Variants in PCCA observed in about 807,000 individuals in gnomAD.
PCCA encodes propionyl-CoA carboxylase subunit alpha.
Under a neutral mutation model 101.3 loss-of-function variants are expected in PCCA, and 74 were observed. That is an observed-to-expected ratio of 0.73 (90% CI 0.61 to 0.89). PCCA has a LOEUF of 0.89. Ranked by LOEUF, PCCA falls within the 40% of genes least tolerant of loss-of-function variation. The probability of loss-of-function intolerance (pLI) is 0.00; values close to 1 mark genes in which losing one functional copy is unlikely to be tolerated. For synonymous variants in PCCA, 294 were observed against 313.6 expected (o/e 0.94, Z 0.66); for missense variants, 891 against 907.0 (o/e 0.98, Z 0.23).
At chr13:100,206,430 C>T (rs531165149) in intron 6 of PCCA, among the ~76,000 whole-genome samples, 40 of 152,218 alleles carry the variant, frequency 2.6e-4, no homozygotes, top group African/African-American at 7.9e-4. Context: ...CCATGCCTAG[C>T]TGATTTTTGT....
At chr13:100,090,618 G>A (rs1035081855) in intron 1 of PCCA, among the ~76,000 whole-genome samples, 4 of 152,154 alleles carry the variant, frequency 2.6e-5, no homozygotes, top group African/African-American at 9.7e-5. Flanking sequence ...TTTTACTCTA[G>A]TAGGGAGACT....
chr13:100,483,491 T>C (rs1191224223), intron 21 of PCCA, among the ~76,000 whole-genome samples: 1 of 152,230 alleles, frequency 6.6e-6, no homozygotes, highest in Non-Finnish European at 1.5e-5. Context: ...GGAGTTCTGC[T>C]GCTCAGTACT....
chr13:100,297,659 A>G (rs1377126105), intron 12 of PCCA, among the ~76,000 whole-genome samples: 4 of 152,196 alleles, frequency 2.6e-5, no homozygotes, highest in East Asian at 1.9e-4. Flanking sequence ...AAAAATAGCA[A>G]GTAGATCTAT....
intron 12 of PCCA, among the ~76,000 whole-genome samples, chr13:100,295,704 G>T (rs2065472971): frequency 1.3e-5 from 2 of 152,136 alleles, no homozygotes; most frequent in Non-Finnish European, 2.9e-5. Context: ...ACTTTTAGGG[G>T]CAGTTTCTGC....
intron 18 of PCCA, among the ~76,000 whole-genome samples, chr13:100,366,416 C>G (rs1274123666): frequency 6.6e-6 from 1 of 152,112 alleles, no homozygotes; most frequent in Non-Finnish European, 1.5e-5. Context: ...ACTTATCCCT[C>G]ATCTCTTTGT....
intron 20 of PCCA, among the ~76,000 whole-genome samples, chr13:100,435,384 T>G (rs1471528177): frequency 6.6e-6 from 1 of 152,202 alleles, no homozygotes; most frequent in African/African-American, 2.4e-5. Context: ...AGAATCACAT[T>G]TCAGCAAGAG....
chr13:100,410,533 G>A lies in PCCA; in HGVS notation c.1747-15100G>A, dbSNP rs145288597. ...TGGGATTACAGGCTTGAGCCACCACGCCCAGCCTGCCAGGAAAATTGTAAA... is the reference window on the plus strand; with the variant it reads ...TGGGATTACAGGCTTGAGCCACCACACCCAGCCTGCCAGGAAAATTGTAAA... On this transcript the variant is annotated intron_variant, in intron 19 of 23. Transcript: ENST00000376285. Among the ~76,000 whole-genome samples the A allele has an allele frequency of 5.3e-3, 807 of 152,280 alleles. 4 individuals carry two copies. Among genetic ancestry groups the A allele is most frequent in the African/African-American group, 0.018 (747 of 41,556 alleles).
intron 7 of PCCA, among the ~76,000 whole-genome samples, chr13:100,217,549 G>A (rs1035501772): frequency 6.6e-6 from 1 of 152,060 alleles, no homozygotes; most frequent in Non-Finnish European, 1.5e-5. Flanking sequence ...TAGTATCCAT[G>A]TTATAGCATG....
At chr13:100,225,412 A>G (rs904663698) in intron 7 of PCCA, among the ~76,000 whole-genome samples, 1 of 152,238 alleles carries the variant, frequency 6.6e-6, no homozygotes, top group African/African-American at 2.4e-5. Flanking sequence ...CACAGAACAG[A>G]GTATGGCCGT....
chr13:100,435,665 C>T (rs889189572), intron 20 of PCCA, among the ~76,000 whole-genome samples: 3 of 152,108 alleles, frequency 2.0e-5, no homozygotes, highest in Non-Finnish European at 2.9e-5. Context: ...AGGTTCTTGG[C>T]GTTTTGAACA....
chr13:100,330,061 G>A (rs370782294), intron 16 of PCCA, among the ~76,000 whole-genome samples: 1 of 152,060 alleles, frequency 6.6e-6, no homozygotes, highest in Non-Finnish European at 1.5e-5. Flanking sequence ...CTGACCTCTC[G>A]CCAACCAACC....
rs117533663 is a variant in PCCA, at chr13:100,364,787, C to T, written c.1644-3685C>T. Among the ~76,000 whole-genome samples the T allele has an allele frequency of 1.7e-3, 252 of 152,268 alleles. 4 individuals carry two copies. The East Asian group carries it at 0.04, about 24-fold the overall frequency. ...TAGAAAAAGGCTGGGTACTGTGACT[C>T]ACACCTGTAATCCCATACTTTGGGA... On this transcript the variant is annotated intron_variant, in intron 18 of 23. Transcript: ENST00000376285.
chr13:100,127,259 G>A (rs1337341671), intron 4 of PCCA, among the ~76,000 whole-genome samples: 1 of 152,042 alleles, frequency 6.6e-6, no homozygotes, highest in Non-Finnish European at 1.5e-5. Context: ...TAATCTGTGG[G>A]AAGTGACTTG....
chr13:100,295,072 T>A (rs1283049614), intron 12 of PCCA, among the ~76,000 whole-genome samples: 3 of 152,206 alleles, frequency 2.0e-5, no homozygotes, highest in African/African-American at 7.2e-5. Context: ...ATGCTTTTCA[T>A]CCTTGAGTGC....
chr13:100,106,389 T>C (rs1276803930), intron 2 of PCCA, among the ~76,000 whole-genome samples: 2 of 152,112 alleles, frequency 1.3e-5, no homozygotes, highest in African/African-American at 4.8e-5. Context: ...AATAAATGTA[T>C]GTAACTGTCT....
intron 19 of PCCA, among the ~76,000 whole-genome samples, chr13:100,385,338 T>TA (rs2076438671): frequency 6.6e-6 from 1 of 152,118 alleles, no homozygotes; most frequent in African/African-American, 2.4e-5. Context: ...AGCCAACAGG[T>TA]AAGCCAAAAA....
rs2067227213 is a variant in PCCA, at chr13:100,315,110, G to GA, written c.1429+5208dup. 2.0e-5 allele frequency among the ~76,000 whole-genome samples: 3 copies of GA among 152,034 alleles called. 1 individual carries two copies. In the South Asian group the frequency reaches 6.2e-4, roughly 32 times the overall value. ...AAAATTATGTATCTGTGTATAAATA[G>GA]AAAAAATTAGTGACAAAGCAAATAA... On this transcript the variant is annotated intron_variant, in intron 16 of 23. Coordinates refer to ENST00000376285, the MANE Select transcript of PCCA (RefSeq NM_000282.4).
At chr13:100,106,542 C>T (rs1277402334) in intron 2 of PCCA, among the ~76,000 whole-genome samples, 3 of 152,176 alleles carry the variant, frequency 2.0e-5, no homozygotes, top group African/African-American at 7.2e-5. Context: ...TCCCGAGTAG[C>T]TGGGATTACA....
At chr13:100,214,493 C>T (rs974543758) in intron 7 of PCCA, among the ~76,000 whole-genome samples, 16 of 151,624 alleles carry the variant, frequency 1.1e-4, no homozygotes, top group Non-Finnish European at 1.6e-4. Context: ...GGTGCAATCT[C>T]GGCTCACTGC....
Sources: allele counts gnomAD v4.1 joint callset (sites outside exome capture counted in the v4.1 genomes callset), GRCh38; gene constraint gnomAD v4.1.1; transcripts MANE v1.5; gene names NCBI Gene and HGNC (gene_info 2026-07-23, HGNC 2026-07-21).